The following FIG4 variants were observed in gnomAD, a reference collection of about 807,000 sequenced individuals.
The protein encoded by FIG4 is polyphosphoinositide phosphatase.
FIG4 carries 112 observed loss-of-function variants against 118.6 expected under a neutral mutation model. The observed-to-expected ratio is 0.94, with a 90% CI of 0.81 to 1.11. The LOEUF (loss-of-function observed/expected upper bound fraction) is 1.11. FIG4 is among the 50% of genes least tolerant of loss of function. The pLI is 0.00. For missense variants in FIG4, 969 were observed against 1,111.7 expected, an observed-to-expected ratio of 0.87 and a Z score of 1.83; for synonymous variants, 369 against 381.2, an observed-to-expected ratio of 0.97 and a Z score of 0.37.
At chr6:109,745,377 T>G (rs992129220) in intron 10 of FIG4, among the ~76,000 whole-genome samples, 5 of 152,234 alleles carry the variant, frequency 3.3e-5, no homozygotes, top group Admixed American at 6.5e-5. Context: ...TTGATTTGCA[T>G]TTTTCTAATG....
chr6:109,718,360 G>A (rs972113889), intron 3 of FIG4, among the ~76,000 whole-genome samples: 5 of 152,170 alleles, frequency 3.3e-5, no homozygotes, highest in Admixed American at 6.5e-5. Flanking sequence ...AATGCAAACC[G>A]TATCAGTGGT....
chr6:109,741,492 G>T lies in FIG4; in HGVS notation c.824G>T (p.Arg275Ile). 1 of 1,613,512 alleles carries T rather than the reference G, an allele frequency of 6.2e-7. No homozygotes were observed. Among genetic ancestry groups the T allele is most frequent in the Non-Finnish European group, 8.5e-7 (1 of 1,179,558 alleles). Residue 275 changes from arginine (R) to isoleucine (I), a missense_variant, in exon 8 of 23, where the codon AGA (arginine) becomes ATA (isoleucine). Coordinates refer to ENST00000230124, the MANE Select transcript of FIG4 (RefSeq NM_014845.6). ...RPVYVTLIARRSSKFAGTRFL... is the reference protein window; with the variant it reads ...RPVYVTLIARISSKFAGTRFL... Reference sequence around the variant, plus strand: ...GTGTATGTCACTCTAATAGCTAGAAGATCCAGTAAATTTGCTGGCACCCGT... The same window carrying T: ...GTGTATGTCACTCTAATAGCTAGAATATCCAGTAAATTTGCTGGCACCCGT...
intron 21 of FIG4, 128 bp downstream of exon 21, chr6:109,792,792 T>G: frequency 3.3e-6 from 2 of 603,490 alleles, no homozygotes. Context: ...CAGGCTGTAG[T>G]GCAGTGGTAT....
intron 1 of FIG4, among the ~76,000 whole-genome samples, chr6:109,713,473 A>G (rs568955011): frequency 5.3e-5 from 8 of 152,252 alleles, no homozygotes; most frequent in African/African-American, 1.4e-4. Context: ...GCCTCTGTGC[A>G]TAGTTTCATT....
At chr6:109,714,797 A>G (rs1775376955) in intron 1 of FIG4, among the ~76,000 whole-genome samples, 1 of 152,200 alleles carries the variant, frequency 6.6e-6, no homozygotes, top group African/African-American at 2.4e-5. Context: ...AGTTAGATTA[A>G]TCTCTAAATT....
Position 109,791,491 on chromosome 6 carries a change from C to G in FIG4, c.2296C>G (p.Arg766Gly), listed in dbSNP as rs552937585. The change falls in exon 20 of 23, where the codon CGG becomes GGG. Residue 766 changes from arginine (R) to glycine (G), a missense_variant. By Grantham distance (125) the Arg-to-Gly change is moderately radical. Transcript: ENST00000230124. ...SSSEDDSGTD[R>G]EEEGSVSQRS... ...CTCTGAGGATGACTCTGGGACTGATCGGGAAGAAGAGGGCTCTGTGTCTCA... is the reference window on the plus strand; with the variant it reads ...CTCTGAGGATGACTCTGGGACTGATGGGGAAGAAGAGGGCTCTGTGTCTCA... The G allele has an allele frequency of 5.0e-6, 8 of 1,614,014 alleles. No individual in the cohort carries two copies. The highest frequency in any genetic ancestry group is 5.9e-6 in the Non-Finnish European group (7 of 1,180,038).
At chr6:109,709,388 G>A (rs745455923) in intron 1 of FIG4, among the ~76,000 whole-genome samples, 1 of 152,156 alleles carries the variant, frequency 6.6e-6, no homozygotes, top group Non-Finnish European at 1.5e-5. Flanking sequence ...CTTGAAGTTG[G>A]GTAGCATGAT....
intron 15 of FIG4, among the ~76,000 whole-genome samples, chr6:109,775,136 C>G (rs541044998): frequency 5.0e-4 from 76 of 152,272 alleles, no homozygotes; most frequent in African/African-American, 1.8e-3. Flanking sequence ...ATTTCGCCCT[C>G]TTGTTATCCA....
chr6:109,781,681 A>G (rs1411669902), intron 16 of FIG4, among the ~76,000 whole-genome samples: 2 of 150,390 alleles, frequency 1.3e-5, no homozygotes, highest in African/African-American at 4.8e-5. Flanking sequence ...CATCTGTACC[A>G]TTCTTGTCAT....
intron 1 of FIG4, among the ~76,000 whole-genome samples, chr6:109,697,048 G>A (rs908332848): frequency 1.3e-5 from 2 of 151,996 alleles, no homozygotes; most frequent in Non-Finnish European, 2.9e-5. Context: ...GAAAAATGAG[G>A]TCAGGAGATT....
At chr6:109,736,780 A>G (rs1374475092) in intron 6 of FIG4, among the ~76,000 whole-genome samples, 2 of 152,118 alleles carry the variant, frequency 1.3e-5, no homozygotes, top group African/African-American at 4.8e-5. Context: ...AATAACATAA[A>G]TGTATCATCT....
chr6:109,809,928 T>C (rs1778673978), intron 22 of FIG4, among the ~76,000 whole-genome samples: 1 of 152,118 alleles, frequency 6.6e-6, no homozygotes, highest in African/African-American at 2.4e-5. Flanking sequence ...GGTTTTTCCA[T>C]CTCTCTGCTC....
At chr6:109,796,743 T>G (rs1248365473) in intron 21 of FIG4, 22 bp from the exon 22 acceptor site, 3 of 1,436,796 alleles carry the variant, frequency 2.1e-6, no homozygotes, top group Non-Finnish European at 9.8e-7. Flanking sequence ...TTTAGCTGAC[T>G]CTTATCCATT....
At chr6:109,710,493 C>T (rs957661962) in intron 1 of FIG4, among the ~76,000 whole-genome samples, 1 of 152,106 alleles carries the variant, frequency 6.6e-6, no homozygotes, top group Non-Finnish European at 1.5e-5. Context: ...AGGAGTCCCT[C>T]CTCCTCAGTT....
chr6:109,787,641 A>G (rs1562684460), intron 18 of FIG4, among the ~76,000 whole-genome samples: 2 of 152,206 alleles, frequency 1.3e-5, no homozygotes, highest in Non-Finnish European at 2.9e-5. Flanking sequence ...CCTGCTGTAC[A>G]TTGTTTCACT....
At chr6:109,799,064 A>C (rs4473902) in intron 22 of FIG4, among the ~76,000 whole-genome samples, 14,148 of 152,276 alleles carry the variant, frequency 0.093, 851 homozygotes, top group South Asian at 0.27. Context: ...CATAGCATAC[A>C]AAATAAAAAC....
chr6:109,739,452 G>A (rs1180238276), intron 7 of FIG4, among the ~76,000 whole-genome samples: 2 of 152,054 alleles, frequency 1.3e-5, no homozygotes, highest in African/African-American at 4.8e-5. Flanking sequence ...AGAAAAAGGC[G>A]TTTGTACATT....
chr6:109,726,869 A>G (rs951243312), intron 3 of FIG4, among the ~76,000 whole-genome samples: 7 of 152,140 alleles, frequency 4.6e-5, no homozygotes, highest in African/African-American at 1.7e-4. Flanking sequence ...CTTTGTAGCA[A>G]TTGTGAATGG....
At chr6:109,727,407 C>T (rs1384573522) in intron 4 of FIG4, 142 bp downstream of exon 4, 9 of 688,134 alleles carry the variant, frequency 1.3e-5, no homozygotes, top group South Asian at 3.2e-5. Flanking sequence ...TTTTTAATGT[C>T]GTAGATCAGG....
Sources: allele counts gnomAD v4.1 joint callset (sites outside exome capture counted in the v4.1 genomes callset), GRCh38; gene constraint gnomAD v4.1.1; transcripts MANE v1.5; gene names NCBI Gene and HGNC (gene_info 2026-07-23, HGNC 2026-07-21).